Variants in INTS6 observed in about 807,000 individuals in gnomAD.
The protein encoded by INTS6 is integrator complex subunit 6.
A neutral mutation model predicts 104.9 loss-of-function variants in INTS6; 16 were observed. That is an observed-to-expected ratio of 0.15 (90% CI 0.10 to 0.23). The LOEUF is 0.23. INTS6 is among the 10% of genes least tolerant of loss of function. The probability of loss-of-function intolerance (pLI) is 1.00; values close to 1 mark genes in which losing one functional copy is unlikely to be tolerated. For synonymous variants in INTS6, 324 were observed against 358.7 expected (o/e 0.90, Z 1.09); for missense variants, 584 against 1,062.8 (o/e 0.55, Z 6.26).
At chr13:51,397,174 C>T (rs1423257634) in intron 4 of INTS6, among the ~76,000 whole-genome samples, 1 of 152,128 alleles carries the variant, frequency 6.6e-6, no homozygotes, top group African/African-American at 2.4e-5. Flanking sequence ...ACAGAGAAGA[C>T]TTCCAAACTT....
chr13:51,364,381 A>G lies in INTS6; in HGVS notation c.*1371T>C. 3.1e-6 allele frequency: 2 copies of G among 650,884 alleles called. No individual in the cohort carries two copies. The highest frequency in any genetic ancestry group is 5.1e-6 in the Non-Finnish European group (2 of 394,614). The allele number at this position is 650,884 out of a possible 1,614,324, so 40.3% of individuals were successfully genotyped here. On this transcript the variant is annotated 3_prime_UTR_variant, in exon 18 of 18. Transcript: ENST00000311234. ...TAAAAAAATGTCTGATAAAGTGTAAAAAGCTAAGGGTATGTGATTTTCAAT... is the reference window on the plus strand; with the variant it reads ...TAAAAAAATGTCTGATAAAGTGTAAGAAGCTAAGGGTATGTGATTTTCAAT...
At chr13:51,420,772 A>AC in intron 4 of INTS6, among the ~76,000 whole-genome samples, 1 of 152,178 alleles carries the variant, frequency 6.6e-6, no homozygotes, top group South Asian at 2.1e-4. Context: ...AAAAAAAAAA[A>AC]AACTATCCAT....
the INTS6 span, chr13:51,341,183 CTG>C: frequency 6.2e-7 from 1 of 1,613,950 alleles, no homozygotes; most frequent in African/African-American, 1.3e-5. Flanking sequence ...TTGCTGAAGA[CTG>C]AGTTTGCACT....
intron 5 of INTS6, among the ~76,000 whole-genome samples, chr13:51,390,880 A>G (rs1956235262): frequency 6.6e-6 from 1 of 152,108 alleles, no homozygotes; most frequent in South Asian, 2.1e-4. Context: ...CTTTAATCTC[A>G]GCAACAATTG....
intron 4 of INTS6, among the ~76,000 whole-genome samples, chr13:51,411,934 G>A (rs1268133165): frequency 6.6e-6 from 1 of 152,192 alleles, no homozygotes; most frequent in Non-Finnish European, 1.5e-5. Context: ...GAATGGATAA[G>A]CAAACTGTAG....
chr13:51,450,755 C>T (rs998365017), intron 3 of INTS6: 1 of 1,069,160 alleles, frequency 9.4e-7, no homozygotes, highest in Non-Finnish European at 1.1e-6. Flanking sequence ...CTTTACTGAA[C>T]TTTCAAGGGA....
chr13:51,386,731 C>G (rs1249922638), intron 7 of INTS6, among the ~76,000 whole-genome samples: 1 of 151,864 alleles, frequency 6.6e-6, no homozygotes, highest in Non-Finnish European at 1.5e-5. Flanking sequence ...TGCTCTCCCA[C>G]AAAATATCCC....
chr13:51,411,965 T>C (rs1956696078), intron 4 of INTS6, among the ~76,000 whole-genome samples: 1 of 152,222 alleles, frequency 6.6e-6, no homozygotes, highest in Non-Finnish European at 1.5e-5. Flanking sequence ...CAATGGAATA[T>C]GGCTCAGCAA....
In INTS6 at chr13:51,364,153, A is replaced by T; in HGVS notation, c.*1599T>A. On this transcript the variant is annotated 3_prime_UTR_variant, in exon 18 of 18. Transcript: ENST00000311234. ...TATTAAATGTTATCTTGCATTACTT[A>T]AAAGTATTTGTATAGAAGTAAACAA... 1 of 602,826 alleles carries T rather than the reference A, an allele frequency of 1.7e-6. No individual in the cohort carries two copies. The highest frequency in any genetic ancestry group is 2.7e-6 in the Non-Finnish European group (1 of 367,708). The allele number at this position is 602,826 out of a possible 1,614,324, so 37.3% of individuals were successfully genotyped here.
chr13:51,435,563 T>C (rs559322861), intron 3 of INTS6, among the ~76,000 whole-genome samples: 4 of 152,020 alleles, frequency 2.6e-5, no homozygotes, highest in Non-Finnish European at 5.9e-5. Flanking sequence ...TTATAACCTA[T>C]GTTATTTTTG....
the INTS6 span, among the ~76,000 whole-genome samples, chr13:51,345,236 C>A: frequency 6.6e-6 from 1 of 152,144 alleles, no homozygotes; most frequent in Admixed American, 6.5e-5. Context: ...CCAGGGTCCA[C>A]AGGCCAGGAT....
rs1955623110 is a variant in INTS6, at chr13:51,363,470, T to C, written c.*2282A>G. On this transcript the variant is annotated 3_prime_UTR_variant, in exon 18 of 18. Coordinates refer to ENST00000311234, the MANE Select transcript of INTS6 (RefSeq NM_012141.3). ...GACAAATCTTACTAAGAGCAACTAA[T>C]GAATCAATCAGCAAATGAGAAACAT... 6.6e-6 allele frequency: 1 copy of C among 151,652 alleles called. No individual in the cohort carries two copies. The highest frequency in any genetic ancestry group is 2.4e-5 in the African/African-American group (1 of 41,312). The allele number at this position is 151,652 out of a possible 1,614,324, so 9.4% of individuals were successfully genotyped here. A position where few individuals can be genotyped will look rare whatever the true frequency, so the allele number is the denominator to read the frequency against.
Position 51,434,394 on chromosome 13 carries a change from A to C in INTS6, c.340-4011T>G, listed in dbSNP as rs192478623. Among the ~76,000 whole-genome samples, 6 of 152,280 alleles carry C rather than the reference A, an allele frequency of 3.9e-5. No individual in the cohort carries two copies. The East Asian group carries it at 1.2e-3, about 29-fold the overall frequency. On this transcript the variant is annotated intron_variant, in intron 3 of 17. Transcript: ENST00000311234. ...AAATAATAAGTTCTTTAGTGACTTT[A>C]AATTTTGGAAAAGTCAGATAAAGAT...
intron 3 of INTS6, among the ~76,000 whole-genome samples, chr13:51,356,127 T>C (rs1955478270): frequency 6.6e-6 from 1 of 152,166 alleles, no homozygotes; most frequent in South Asian, 2.1e-4. Context: ...GAGAATCTAT[T>C]CTACAGAGTT....
intron 3 of INTS6, among the ~76,000 whole-genome samples, chr13:51,435,826 T>C (rs1957176578): frequency 6.6e-6 from 1 of 152,030 alleles, no homozygotes; most frequent in Non-Finnish European, 1.5e-5. Flanking sequence ...ATACTGTTAA[T>C]TTTTTTAAAG....
At chr13:51,439,161 A>G (rs960833652) in intron 3 of INTS6, 1 of 152,178 alleles carries the variant, frequency 6.6e-6, no homozygotes, top group Non-Finnish European at 1.5e-5. Flanking sequence ...ACTTTTTCTC[A>G]CATATTCAGA....
At chr13:51,338,447 G>GTGGA in the INTS6 span, among the ~76,000 whole-genome samples, 2,997 of 149,202 alleles carry the variant, frequency 0.02, 59 homozygotes, top group African/African-American at 0.051. Context: ...GGATGGATAG[G>GTGGA]TGGATGGATG....
Position 51,374,706 on chromosome 13 carries a change from T to C in INTS6, c.1820A>G (p.Asp607Gly). 1.2e-6 allele frequency: 2 copies of C among 1,613,454 alleles called. No individual in the cohort carries two copies. Among genetic ancestry groups the C allele is most frequent in the Non-Finnish European group, 1.7e-6 (2 of 1,179,940 alleles). Residue 607 changes from aspartate to glycine, a missense_variant, in exon 14 of 18, where the codon GAT (aspartate) becomes GGT (glycine). Asp to Gly is a moderately conservative substitution (Grantham distance 94, BLOSUM62 -1). This residue lies in a region of INTS6 where 296 missense variants were observed against 437.0 expected (regional missense o/e 0.68). Transcript: ENST00000311234. ...VPSPLRELDP[D>G]QPRRLHTFGN... The stretch of plus-strand genomic sequence containing the variant: ...AAATGTATGCAACCTTCGTGGCTGA[T>C]CAGGATCAAGTTCTCTTAGTGGAGA...
chr13:51,449,733 A>G, intron 3 of INTS6: 1 of 985,448 alleles, frequency 1.0e-6, no homozygotes, highest in East Asian at 1.1e-4. Context: ...AAAGAGAAGG[A>G]AATCCACTAC....
Sources: gnomAD v4.1 joint callset for allele counts (sites outside exome capture counted in the v4.1 genomes callset) on GRCh38, gnomAD v4.1.1 for gene constraint, gnomAD v4.1.1 regional missense constraint, MANE v1.5 for transcripts, NCBI Gene and HGNC (gene_info 2026-07-23, HGNC 2026-07-21) for gene names.